Variants in KCNK5 observed in about 807,000 individuals in gnomAD.
KCNK5 encodes potassium two pore domain channel subfamily K member 5.
Under a neutral mutation model 32.9 loss-of-function variants are expected in KCNK5, and 18 were observed. The observed-to-expected ratio is 0.55, with a 90% confidence interval of 0.38 to 0.81. The LOEUF is 0.81. KCNK5 is among the 30% of genes least tolerant of loss of function. KCNK5 has a pLI of 0.00. For missense variants in KCNK5, 507 were observed against 651.0 expected, an observed-to-expected ratio of 0.78 and a Z score of 2.41; for synonymous variants, 276 against 275.3, an observed-to-expected ratio of 1.00 and a Z score of -0.03.
chr6:39,219,549 A>G (rs1771504535), intron 1 of KCNK5, among the ~76,000 whole-genome samples: 1 of 152,122 alleles, frequency 6.6e-6, no homozygotes, highest in East Asian at 1.9e-4. Flanking sequence ...AAAAATAATA[A>G]TAATAAAAAT....
At chr6:39,215,303 G>C (rs1771412267) in intron 1 of KCNK5, among the ~76,000 whole-genome samples, 2 of 152,194 alleles carry the variant, frequency 1.3e-5, no homozygotes, top group African/African-American at 4.8e-5. Context: ...CCCTTGGCGA[G>C]AGGCAGCCCT....
chr6:39,228,491 C>G (rs1771712134), intron 1 of KCNK5, among the ~76,000 whole-genome samples: 1 of 152,190 alleles, frequency 6.6e-6, no homozygotes, highest in African/African-American at 2.4e-5. Flanking sequence ...AAAAGCCTGG[C>G]AGGCGTGGCA....
intron 1 of KCNK5, among the ~76,000 whole-genome samples, chr6:39,221,830 C>T (rs370441670): frequency 1.8e-4 from 28 of 152,274 alleles, no homozygotes; most frequent in South Asian, 6.2e-4. Context: ...CAACATTTGC[C>T]CATCTCTCCA....
chr6:39,204,203 T>C (rs1771182115), intron 1 of KCNK5, among the ~76,000 whole-genome samples: 1 of 152,270 alleles, frequency 6.6e-6, no homozygotes, highest in Non-Finnish European at 1.5e-5. Flanking sequence ...GATATCTATC[T>C]GGAGTATGGA....
chr6:39,212,923 C>T (rs1275667540), intron 1 of KCNK5, among the ~76,000 whole-genome samples: 2 of 152,154 alleles, frequency 1.3e-5, no homozygotes, highest in African/African-American at 4.8e-5. Context: ...GAACTAGGCT[C>T]GAAAGACATG....
At chr6:39,200,650 A>ACAG (rs1771120206) in intron 1 of KCNK5, among the ~76,000 whole-genome samples, 1 of 152,052 alleles carries the variant, frequency 6.6e-6, no homozygotes, top group Admixed American at 6.5e-5. Context: ...AGCTGAAAAA[A>ACAG]CAGTGCCCTA....
At chr6:39,199,625 T>C (rs1038883677) in intron 1 of KCNK5, among the ~76,000 whole-genome samples, 7 of 152,292 alleles carry the variant, frequency 4.6e-5, no homozygotes, top group African/African-American at 1.4e-4. Context: ...GGCTAGGTTG[T>C]AGACTGTCTG....
chr6:39,227,130 C>T (rs1202414394), intron 1 of KCNK5, among the ~76,000 whole-genome samples: 3 of 151,574 alleles, frequency 2.0e-5, no homozygotes, highest in African/African-American at 2.4e-5. Context: ...CCGTATGCCC[C>T]GCCAGCCTTT....
In KCNK5 at chr6:39,214,718, C is replaced by A. The variant is rs538243081; in HGVS notation, c.186+14208G>T. Among the ~76,000 whole-genome samples the A allele has an allele frequency of 5.9e-5, 9 of 152,236 alleles. No individual in the cohort carries two copies. In the East Asian group the frequency reaches 1.7e-3, roughly 29 times the overall value. ...AGTCCCCGTGCAATGTCCTCTGACA[C>A]GGGGCAGGGGAGCCTAGAGAGCAAT... On this transcript the variant is annotated intron_variant, in intron 1 of 4. Coordinates refer to ENST00000359534, the MANE Select transcript of KCNK5 (RefSeq NM_003740.4).
intron 1 of KCNK5, among the ~76,000 whole-genome samples, chr6:39,200,164 C>T (rs1025472044): frequency 1.3e-5 from 2 of 152,182 alleles, no homozygotes; most frequent in Admixed American, 1.3e-4. Flanking sequence ...ACAGCTTTCG[C>T]GGGAGGAGGC....
At chr6:39,215,709 G>A (rs11969417) in intron 1 of KCNK5, among the ~76,000 whole-genome samples, 7,890 of 152,304 alleles carry the variant, frequency 0.052, 506 homozygotes, top group African/African-American at 0.15. Context: ...GAAACCAAAT[G>A]AGTGGATGTG....
intron 1 of KCNK5, among the ~76,000 whole-genome samples, chr6:39,198,284 T>A (rs1260491818): frequency 6.6e-6 from 1 of 152,230 alleles, no homozygotes; most frequent in Admixed American, 6.5e-5. Flanking sequence ...TAGGAGGTAT[T>A]GATCATTATC....
intron 1 of KCNK5, among the ~76,000 whole-genome samples, chr6:39,212,191 G>A (rs1202172755): frequency 6.6e-6 from 1 of 152,168 alleles, no homozygotes; most frequent in African/African-American, 2.4e-5. Context: ...CAGGAGGCTT[G>A]AGGCAGGATA....
rs113551132 is a variant in KCNK5, at chr6:39,219,902, A to G, written c.186+9024T>C. ...TCTAGCTGGACCTAACTAGCACTCC[A>G]AGCCTTTCTGAATGAATGGACGAGT... On this transcript the variant is annotated intron_variant, in intron 1 of 4. Coordinates refer to ENST00000359534, the MANE Select transcript of KCNK5 (RefSeq NM_003740.4). 2.2e-3 allele frequency among the ~76,000 whole-genome samples: 342 copies of G among 152,318 alleles called. 1 individual carries two copies. The highest frequency in any genetic ancestry group is 4.1e-3 in the Non-Finnish European group (278 of 68,020).
Position 39,210,302 on chromosome 6 carries a change from C to T in KCNK5, c.187-14315G>A, listed in dbSNP as rs1078270. Among the ~76,000 whole-genome samples the T allele has an allele frequency of 7.7e-3, 1,176 of 152,200 alleles. 22 individuals carry two copies. Among genetic ancestry groups the T allele is most frequent in the African/African-American group, 0.027 (1,106 of 41,520 alleles). On this transcript the variant is annotated intron_variant, in intron 1 of 4. Coordinates refer to ENST00000359534, the MANE Select transcript of KCNK5 (RefSeq NM_003740.4). The stretch of plus-strand genomic sequence containing the variant: ...GGACTGCCAGGACACAGTCCCTTGG[C>T]CCTCTCCCCATGTGTAAAATTAGGC...
At chr6:39,226,528 C>T (rs1262765387) in intron 1 of KCNK5, among the ~76,000 whole-genome samples, 2 of 152,198 alleles carry the variant, frequency 1.3e-5, no homozygotes, top group South Asian at 4.1e-4. Flanking sequence ...CTTTGTCCCA[C>T]CCCTGGTTGT....
At chr6:39,197,982 A>T in intron 1 of KCNK5, among the ~76,000 whole-genome samples, 1 of 152,192 alleles carries the variant, frequency 6.6e-6, no homozygotes, top group East Asian at 1.9e-4. Flanking sequence ...CAGAAAACAA[A>T]CCTGAACTCT....
chr6:39,227,402 G>A (rs1583725727), intron 1 of KCNK5, among the ~76,000 whole-genome samples: 1 of 151,908 alleles, frequency 6.6e-6, no homozygotes, highest in South Asian at 2.1e-4. Context: ...CAGGGTAGAC[G>A]CCCATCAGAA....
Position 39,224,054 on chromosome 6 carries a change from T to C in KCNK5, c.186+4872A>G, listed in dbSNP as rs373394110. Among the ~76,000 whole-genome samples the C allele has an allele frequency of 5.3e-5, 8 of 149,938 alleles. No individual in the cohort carries two copies. In the East Asian group the frequency reaches 1.4e-3, roughly 26 times the overall value. On this transcript the variant is annotated intron_variant, in intron 1 of 4. Transcript: ENST00000359534. ...ATTTACTTTCACTGTTAAAAAACTCTAACCAGAGCAGTTAACTAAGGCAGA... is the reference window on the plus strand; with the variant it reads ...ATTTACTTTCACTGTTAAAAAACTCCAACCAGAGCAGTTAACTAAGGCAGA...
Sources: allele counts gnomAD v4.1 joint callset (sites outside exome capture counted in the v4.1 genomes callset), GRCh38; gene constraint gnomAD v4.1.1; transcripts MANE v1.5; gene names NCBI Gene and HGNC (gene_info 2026-07-23, HGNC 2026-07-21).